Variants in SPATS2L observed in about 807,000 individuals in gnomAD.
SPATS2L encodes the protein SPATS2-like protein.
In SPATS2L, 30 loss-of-function variants were observed where a neutral mutation model predicts 59.6. That is an observed-to-expected ratio of 0.50 (90% CI 0.38 to 0.68). The LOEUF is 0.68. SPATS2L is among the 30% of genes least tolerant of loss of function. SPATS2L has a pLI of 0.00. For missense variants in SPATS2L, 615 were observed against 700.0 expected (o/e 0.88, Z 1.37); for synonymous variants, 252 against 263.5 (o/e 0.96, Z 0.42).
chr2:200,384,007 C>A, intron 2 of SPATS2L: 1 of 1,001,930 alleles, frequency 1.0e-6, no homozygotes, highest in Non-Finnish European at 1.2e-6. Flanking sequence ...AGTCAGAAAG[C>A]GATTTGATAG....
intron 2 of SPATS2L, among the ~76,000 whole-genome samples, chr2:200,346,855 A>G (rs1194022173): frequency 2.0e-5 from 3 of 152,194 alleles, no homozygotes; most frequent in Non-Finnish European, 2.9e-5. Flanking sequence ...ATTTTTCTCT[A>G]TAAGAAGAAA....
intron 1 of SPATS2L, among the ~76,000 whole-genome samples, chr2:200,307,753 G>C (rs1424122619): frequency 3.3e-5 from 5 of 152,264 alleles, no homozygotes; most frequent in Non-Finnish European, 7.3e-5. Context: ...CGCGAGTGGA[G>C]GTTTCGTGTT....
chr2:200,427,676 A>G (rs2083657840), intron 6 of SPATS2L, among the ~76,000 whole-genome samples: 1 of 152,132 alleles, frequency 6.6e-6, no homozygotes, highest in Admixed American at 6.6e-5. Context: ...ATGAAATAAT[A>G]AAGTATATCT....
At chr2:200,364,282 A>G (rs1224463401) in intron 2 of SPATS2L, among the ~76,000 whole-genome samples, 2 of 152,240 alleles carry the variant, frequency 1.3e-5, no homozygotes, top group Non-Finnish European at 2.9e-5. Flanking sequence ...CAGCAGCACT[A>G]GGAAACACAG....
At chr2:200,454,254 G>A (rs3769440) in intron 8 of SPATS2L, among the ~76,000 whole-genome samples, 73,520 of 151,872 alleles carry the variant, frequency 0.48, 17,834 homozygotes, top group East Asian at 0.58. Flanking sequence ...TTCATTCCTC[G>A]GTATCTACCA....
intron 6 of SPATS2L, 36 bp downstream of exon 6, chr2:200,419,532 A>G: frequency 1.2e-6 from 2 of 1,609,326 alleles, no homozygotes; most frequent in Non-Finnish European, 1.7e-6. Context: ...TTAGGAAGGC[A>G]TAGATGAAAA....
chr2:200,328,747 C>T (rs761733342), intron 1 of SPATS2L, among the ~76,000 whole-genome samples: 15 of 152,096 alleles, frequency 9.9e-5, no homozygotes, highest in Non-Finnish European at 4.4e-5. Flanking sequence ...TGATGGGTGA[C>T]CGAGTGAGTG....
At chr2:200,360,211 C>T (rs932702759) in intron 2 of SPATS2L, among the ~76,000 whole-genome samples, 45 of 152,154 alleles carry the variant, frequency 3.0e-4, no homozygotes, top group African/African-American at 1.1e-3. Flanking sequence ...CTAACTGGTC[C>T]ACCCAAGTCC....
At chr2:200,308,051 C>A (rs1322237436) in intron 1 of SPATS2L, among the ~76,000 whole-genome samples, 2 of 152,140 alleles carry the variant, frequency 1.3e-5, no homozygotes, top group Non-Finnish European at 2.9e-5. Context: ...ATTTTAGAAC[C>A]TGTGCAGAGA....
chr2:200,462,712 T>C (rs1371082712), intron 9 of SPATS2L, among the ~76,000 whole-genome samples: 1 of 151,962 alleles, frequency 6.6e-6, no homozygotes, highest in Non-Finnish European at 1.5e-5. Flanking sequence ...AGGCCAAGAG[T>C]TCGAGACCAA....
intron 6 of SPATS2L, among the ~76,000 whole-genome samples, chr2:200,434,294 C>T (rs776514081): frequency 1.8e-4 from 27 of 152,086 alleles, no homozygotes; most frequent in Non-Finnish European, 3.2e-4. Context: ...TACATGGAAA[C>T]TCTACAGCTG....
At position 200,472,960 on chromosome 2, in the gene SPATS2L, C is replaced by T. The variant is rs770677295; in HGVS notation, c.1189C>T (p.Pro397Ser). 5.0e-6 allele frequency: 8 copies of T among 1,613,894 alleles called. No individual in the cohort carries two copies. Among genetic ancestry groups the T allele is most frequent in the Non-Finnish European group, 6.8e-6 (8 of 1,179,868 alleles). The change falls in exon 12 of 13, where the codon CCC (proline) becomes TCC (serine). Residue 397 changes from proline (P) to serine (S), a missense_variant. Coordinates refer to ENST00000409140, the MANE Select transcript of SPATS2L (RefSeq NM_001100423.2). ...FSRKSSTHNK[P>S]SEGKAANPKM... ...CCGAAAATCATCCACTCACAATAAG[C>T]CCTCTGAAGGCAAAGCGGCAAACCC...
chr2:200,385,240 A>G (rs913657883), intron 2 of SPATS2L, among the ~76,000 whole-genome samples: 7 of 152,256 alleles, frequency 4.6e-5, no homozygotes, highest in Non-Finnish European at 1.0e-4. Context: ...GGTCCTAAAA[A>G]TCACAGCATT....
intron 1 of SPATS2L, among the ~76,000 whole-genome samples, chr2:200,315,516 C>T (rs1047074978): frequency 6.6e-6 from 1 of 152,106 alleles, no homozygotes; most frequent in African/African-American, 2.4e-5. Flanking sequence ...CCCATCCTGC[C>T]GTTGATTCTT....
At chr2:200,416,246 A>G (rs2106000458) in intron 4 of SPATS2L, 133 bp from the exon 5 acceptor site, 2 of 422,764 alleles carry the variant, frequency 4.7e-6, no homozygotes, top group South Asian at 1.5e-4. Context: ...TTATTAAGAT[A>G]GGATGTATCA....
chr2:200,399,184 A>G (rs1208383001), intron 3 of SPATS2L, among the ~76,000 whole-genome samples: 1 of 152,170 alleles, frequency 6.6e-6, no homozygotes, highest in Non-Finnish European at 1.5e-5. Context: ...CTCATCTTGC[A>G]TAACTGAAAT....
chr2:200,435,337 A>G (rs1182940786), intron 6 of SPATS2L, among the ~76,000 whole-genome samples: 1 of 152,200 alleles, frequency 6.6e-6, no homozygotes, highest in Non-Finnish European at 1.5e-5. Context: ...AACTTCTAGG[A>G]GCCATTTTTA....
intron 1 of SPATS2L, 84 bp from the exon 2 acceptor site, chr2:200,329,347 T>C: frequency 8.8e-7 from 1 of 1,142,062 alleles, no homozygotes; most frequent in Non-Finnish European, 1.3e-6. Context: ...GATCCTGTGC[T>C]TGGGTTTTGA....
At chr2:200,359,893 C>T (rs1290742132) in intron 2 of SPATS2L, among the ~76,000 whole-genome samples, 1 of 152,230 alleles carries the variant, frequency 6.6e-6, no homozygotes, top group Admixed American at 6.5e-5. Context: ...AAGTCCTTCT[C>T]TTCTGAACTT....
Sources: allele counts gnomAD v4.1 joint callset (sites outside exome capture counted in the v4.1 genomes callset), GRCh38; gene constraint gnomAD v4.1.1; transcripts MANE v1.5; gene names NCBI Gene and HGNC (gene_info 2026-07-23, HGNC 2026-07-21).